KCNIP4: variants seen among roughly 807,000 people sequenced by gnomAD.
KCNIP4 encodes the protein potassium voltage-gated channel interacting protein 4, also known as Kv channel-interacting protein 4.
Under a neutral mutation model 34.0 loss-of-function variants are expected in KCNIP4, and 12 were observed. The observed-to-expected ratio is 0.35, with a 90% CI of 0.23 to 0.57. The LOEUF (loss-of-function observed/expected upper bound fraction) is 0.57. Ranked by LOEUF, KCNIP4 falls within the 20% of genes least tolerant of loss-of-function variation. The pLI is 0.83. For synonymous variants in KCNIP4, 124 were observed against 102.2 expected, an observed-to-expected ratio of 1.21 and a Z score of -1.29; for missense variants, 238 against 311.7, an observed-to-expected ratio of 0.76 and a Z score of 1.78.
At chr4:20,916,215 C>G in intron 1 of KCNIP4, 1 of 526,778 alleles carries the variant, frequency 1.9e-6, no homozygotes, top group Non-Finnish European at 2.4e-6. Flanking sequence ...TGACCCCTAA[C>G]TCTCTCAGGT....
chr4:21,182,676 C>T (rs1754928578), intron 1 of KCNIP4, among the ~76,000 whole-genome samples: 1 of 151,978 alleles, frequency 6.6e-6, no homozygotes, highest in Non-Finnish European at 1.5e-5. Flanking sequence ...TTCTCCATGT[C>T]CGTGTGTACA....
chr4:21,402,486 C>G (rs1197754536), intron 1 of KCNIP4, among the ~76,000 whole-genome samples: 1 of 152,206 alleles, frequency 6.6e-6, no homozygotes, highest in Non-Finnish European at 1.5e-5. Flanking sequence ...CAGGCCTTGT[C>G]AATTCCCCAA....
At chr4:21,297,453 A>G (rs1029474670) in intron 1 of KCNIP4, among the ~76,000 whole-genome samples, 3 of 152,196 alleles carry the variant, frequency 2.0e-5, no homozygotes, top group Non-Finnish European at 4.4e-5. Flanking sequence ...TTCTTGGACC[A>G]TAAGCAGAAT....
intron 1 of KCNIP4, among the ~76,000 whole-genome samples, chr4:21,382,714 A>T (rs1721628268): frequency 6.6e-6 from 1 of 152,206 alleles, no homozygotes; most frequent in Non-Finnish European, 1.5e-5. Flanking sequence ...ACTGCACAGC[A>T]AGCTGAACCC....
At chr4:21,403,211 G>A (rs1172968035) in intron 1 of KCNIP4, among the ~76,000 whole-genome samples, 3 of 152,168 alleles carry the variant, frequency 2.0e-5, no homozygotes, top group Non-Finnish European at 4.4e-5. Flanking sequence ...TTAAGTATAA[G>A]CTTAAATAAC....
intron 1 of KCNIP4, among the ~76,000 whole-genome samples, chr4:21,099,089 ATCATT>A (rs1747709322): frequency 6.6e-6 from 1 of 152,222 alleles, no homozygotes; most frequent in African/African-American, 2.4e-5. Flanking sequence ...ACGCAGAAAT[ATCATT>A]TGACTCAGCA....
intron 1 of KCNIP4, among the ~76,000 whole-genome samples, chr4:21,884,169 C>T (rs1461264421): frequency 1.3e-5 from 2 of 152,098 alleles, no homozygotes; most frequent in African/African-American, 2.4e-5. Flanking sequence ...ACAACAATAA[C>T]ATACATTTGT....
chr4:21,264,568 A>G (rs1350203090), intron 1 of KCNIP4, among the ~76,000 whole-genome samples: 2 of 152,178 alleles, frequency 1.3e-5, no homozygotes, highest in Admixed American at 6.5e-5. Flanking sequence ...GGATGAAAAT[A>G]CTACACCCAC....
intron 1 of KCNIP4, among the ~76,000 whole-genome samples, chr4:21,605,387 A>T (rs1314252312): frequency 6.6e-6 from 1 of 152,222 alleles, no homozygotes; most frequent in Admixed American, 6.5e-5. Flanking sequence ...ATTGAGGATC[A>T]TTGGATGCTT....
At chr4:21,617,583 A>T (rs1476589934) in intron 1 of KCNIP4, among the ~76,000 whole-genome samples, 1 of 152,200 alleles carries the variant, frequency 6.6e-6, no homozygotes, top group Non-Finnish European at 1.5e-5. Context: ...ATTCTGCTCC[A>T]GTGCTCACAA....
At chr4:21,301,608 C>A (rs775624490) in intron 1 of KCNIP4, among the ~76,000 whole-genome samples, 3 of 152,102 alleles carry the variant, frequency 2.0e-5, no homozygotes, top group Non-Finnish European at 4.4e-5. Context: ...GAAAAGAAAT[C>A]GGAATGAAAT....
At chr4:21,024,601 C>A (rs567584907) in intron 1 of KCNIP4, among the ~76,000 whole-genome samples, 1 of 152,062 alleles carries the variant, frequency 6.6e-6, no homozygotes, top group African/African-American at 2.4e-5. Flanking sequence ...ATGTTTGAAC[C>A]GTTTCTAAAA....
chr4:21,141,369 C>T (rs547499210), intron 1 of KCNIP4, among the ~76,000 whole-genome samples: 10 of 152,186 alleles, frequency 6.6e-5, no homozygotes, highest in African/African-American at 2.4e-4. Flanking sequence ...CAGGGAGTCT[C>T]TGTTTTCTGT....
At chr4:21,260,305 A>G (rs1201159666) in intron 1 of KCNIP4, among the ~76,000 whole-genome samples, 1 of 152,198 alleles carries the variant, frequency 6.6e-6, no homozygotes, top group Non-Finnish European at 1.5e-5. Context: ...TAAAAATTAT[A>G]TCTTTAGTTT....
chr4:21,191,218 T>A (rs748472451), intron 1 of KCNIP4, among the ~76,000 whole-genome samples: 7 of 152,204 alleles, frequency 4.6e-5, no homozygotes, highest in African/African-American at 9.6e-5. Flanking sequence ...GCATTCTGAG[T>A]CACCTTTTCA....
chr4:21,919,493 GA>G (rs1159538221), intron 1 of KCNIP4, among the ~76,000 whole-genome samples: 1 of 152,180 alleles, frequency 6.6e-6, no homozygotes, highest in African/African-American at 2.4e-5. Context: ...CCCAATGGAT[GA>G]ACCATACCAT....
In KCNIP4 at chr4:20,786,336, A is replaced by G. The variant is rs1037174411; in HGVS notation, c.289-27446T>C. On this transcript the variant is annotated intron_variant, in intron 3 of 8. Coordinates refer to ENST00000382152, the MANE Select transcript of KCNIP4 (RefSeq NM_025221.6). ...GAGGACAAGGACTGAAAGACTTTCTATTGGGTACTATGCTCAGTGTCTAGG... is the reference window on the plus strand; with the variant it reads ...GAGGACAAGGACTGAAAGACTTTCTGTTGGGTACTATGCTCAGTGTCTAGG... Among the ~76,000 whole-genome samples, 6 of 152,176 alleles carry G rather than the reference A, an allele frequency of 3.9e-5. No homozygotes were observed. The East Asian group carries it at 7.7e-4, about 20-fold the overall frequency.
At chr4:21,661,928 T>C (rs1349944667) in intron 1 of KCNIP4, among the ~76,000 whole-genome samples, 2 of 152,190 alleles carry the variant, frequency 1.3e-5, no homozygotes, top group African/African-American at 4.8e-5. Flanking sequence ...AGATCGGAAC[T>C]ATATAAGGCA....
intron 1 of KCNIP4, among the ~76,000 whole-genome samples, chr4:21,115,316 TA>T (rs1227429849): frequency 6.6e-6 from 1 of 152,196 alleles, no homozygotes; most frequent in Non-Finnish European, 1.5e-5. Context: ...GTATTTCACC[TA>T]AAGTAAACCA....
Sources: gnomAD v4.1 joint callset for allele counts (sites outside exome capture counted in the v4.1 genomes callset) on GRCh38, gnomAD v4.1.1 for gene constraint, MANE v1.5 for transcripts, NCBI Gene and HGNC (gene_info 2026-07-23, HGNC 2026-07-21) for gene names.